NIM1K: variants seen among roughly 807,000 people sequenced by gnomAD.
NIM1K encodes NIM1 serine/threonine protein kinase.
NIM1K carries 35 observed loss-of-function variants against 37.1 expected under a neutral mutation model. The ratio of observed to expected loss-of-function variants is 0.94; its 90% CI spans 0.72 to 1.25. The LOEUF (loss-of-function observed/expected upper bound fraction) is 1.25. Ranked by LOEUF, NIM1K falls within the 50% of genes most tolerant of loss-of-function variation. The probability of loss-of-function intolerance (pLI) is 0.00; values close to 1 mark genes in which losing one functional copy is unlikely to be tolerated. For missense variants in NIM1K, 564 were observed against 548.0 expected, an observed-to-expected ratio of 1.03 and a Z score of -0.29; for synonymous variants, 234 against 206.6, an observed-to-expected ratio of 1.13 and a Z score of -1.14.
chr5:43,255,865 C>A (rs574740346), intron 2 of NIM1K, among the ~76,000 whole-genome samples: 2 of 151,356 alleles, frequency 1.3e-5, no homozygotes, highest in East Asian at 3.9e-4. Context: ...AATAATTAAA[C>A]TGAAAGAAAT....
intron 2 of NIM1K, among the ~76,000 whole-genome samples, chr5:43,275,870 T>C (rs980666563): frequency 7.2e-5 from 11 of 152,142 alleles, no homozygotes; most frequent in Non-Finnish European, 1.3e-4. Flanking sequence ...CTCGCATTTC[T>C]ATAAAGAAAC....
At position 43,226,345 on chromosome 5, in the gene NIM1K, G is replaced by A. The variant is rs1303208758; in HGVS notation, c.-694-18737G>A. On this transcript the variant is annotated intron_variant, in intron 1 of 3. Transcript: ENST00000326035. ...GCAGGGAAGGACAGAGGCTGTAACT[G>A]TAACAGGATCAAAAGCCAGTAGTGG... 2.0e-5 allele frequency among the ~76,000 whole-genome samples: 3 copies of A among 152,324 alleles called. No individual in the cohort carries two copies. In the East Asian group the frequency reaches 5.8e-4, roughly 29 times the overall value.
chr5:43,207,400 C>T, intron 1 of NIM1K: 3 of 860,948 alleles, frequency 3.5e-6, no homozygotes, highest in Non-Finnish European at 4.0e-6. Context: ...AAACGTGTGG[C>T]GATGTCTTAG....
chr5:43,208,019 A>T (rs1392269720), intron 1 of NIM1K, among the ~76,000 whole-genome samples: 1 of 152,180 alleles, frequency 6.6e-6, no homozygotes. Flanking sequence ...CAGCTGAAGG[A>T]TGGTTAGACA....
chr5:43,265,233 C>G (rs1255210789), intron 2 of NIM1K, among the ~76,000 whole-genome samples: 1 of 152,212 alleles, frequency 6.6e-6, no homozygotes, highest in Non-Finnish European at 1.5e-5. Flanking sequence ...GTTCCATTCT[C>G]TCCGTCACTT....
intron 1 of NIM1K, among the ~76,000 whole-genome samples, chr5:43,203,579 A>G (rs941559874): frequency 5.3e-5 from 8 of 152,190 alleles, no homozygotes; most frequent in African/African-American, 1.9e-4. Context: ...AGGCTGCCCA[A>G]TTCATGAATA....
At chr5:43,251,844 T>TA (rs1752871845) in intron 2 of NIM1K, among the ~76,000 whole-genome samples, 4 of 152,164 alleles carry the variant, frequency 2.6e-5, no homozygotes, top group Admixed American at 6.5e-5. Flanking sequence ...CTGTTTCAGT[T>TA]CAAATTTTAA....
intron 2 of NIM1K, among the ~76,000 whole-genome samples, chr5:43,259,453 GACTTTTTAAT>G (rs1302660418): frequency 6.6e-6 from 1 of 152,028 alleles, no homozygotes; most frequent in Non-Finnish European, 1.5e-5. Context: ...ACTGTTTTTT[GACTTTTTAAT>G]AATGACCATT....
At chr5:43,221,474 G>A in intron 1 of NIM1K, among the ~76,000 whole-genome samples, 1 of 148,336 alleles carries the variant, frequency 6.7e-6, no homozygotes, top group African/African-American at 2.5e-5. Flanking sequence ...AAAAAGAAAA[G>A]GAAAAAGATA....
chr5:43,271,016 T>C (rs776962322), intron 2 of NIM1K, among the ~76,000 whole-genome samples: 2 of 152,156 alleles, frequency 1.3e-5, no homozygotes, highest in African/African-American at 4.8e-5. Context: ...ATTTCCCCCA[T>C]AGCAGCCAGA....
At chr5:43,251,929 G>C (rs1346116402) in intron 2 of NIM1K, among the ~76,000 whole-genome samples, 1 of 152,130 alleles carries the variant, frequency 6.6e-6, no homozygotes, top group Non-Finnish European at 1.5e-5. Flanking sequence ...CCGTGTCAGT[G>C]AGCTGTAACC....
chr5:43,244,966 G>C (rs1289386616), intron 1 of NIM1K, 116 bp from the exon 2 acceptor site: 2 of 152,116 alleles, frequency 1.3e-5, no homozygotes, highest in Non-Finnish European at 2.9e-5. Context: ...ACTGATATGA[G>C]TCATAAATTT....
chr5:43,262,063 T>C (rs1265371312), intron 2 of NIM1K, among the ~76,000 whole-genome samples: 1 of 152,218 alleles, frequency 6.6e-6, no homozygotes, highest in Non-Finnish European at 1.5e-5. Flanking sequence ...GCTTTGTTCT[T>C]TTGGCTTACA....
intron 2 of NIM1K, among the ~76,000 whole-genome samples, chr5:43,273,573 C>G (rs971090730): frequency 4.6e-5 from 7 of 152,146 alleles, no homozygotes; most frequent in Admixed American, 1.3e-4. Context: ...GCTATGTTTT[C>G]TCATTGCCCT....
At chr5:43,228,320 G>A (rs1216990507) in intron 1 of NIM1K, among the ~76,000 whole-genome samples, 3 of 151,804 alleles carry the variant, frequency 2.0e-5, no homozygotes, top group Non-Finnish European at 4.4e-5. Flanking sequence ...CTAATTTTTT[G>A]TATTTTTAGT....
chr5:43,221,760 G>C (rs955922281), intron 1 of NIM1K, among the ~76,000 whole-genome samples: 1 of 152,200 alleles, frequency 6.6e-6, no homozygotes, highest in Non-Finnish European at 1.5e-5. Context: ...TTGATGACTG[G>C]CACAAGGGTA....
chr5:43,232,522 A>T, intron 1 of NIM1K: 1 of 1,570,198 alleles, frequency 6.4e-7, no homozygotes, highest in Non-Finnish European at 8.8e-7. Context: ...GTTCAGTATC[A>T]AGGTTCTATG....
chr5:43,214,820 AAAAAAAAAAAAC>A (rs1276290789), intron 1 of NIM1K, among the ~76,000 whole-genome samples: 1 of 144,186 alleles, frequency 6.9e-6, no homozygotes, highest in Non-Finnish European at 1.5e-5. Context: ...TCTCAAAAAA[AAAAAAAAAAAAC>A]AAAAAAGAAA....
At chr5:43,207,064 A>G (rs1283692894) in intron 1 of NIM1K, 1 of 725,078 alleles carries the variant, frequency 1.4e-6, no homozygotes, top group African/African-American at 1.7e-5. Context: ...ATATTGGCCC[A>G]TTACCTATGG....
Sources: gnomAD v4.1 joint callset for allele counts (sites outside exome capture counted in the v4.1 genomes callset) on GRCh38, gnomAD v4.1.1 for gene constraint, MANE v1.5 for transcripts, NCBI Gene and HGNC (gene_info 2026-07-23, HGNC 2026-07-21) for gene names.